MARCHF11: variants seen among roughly 807,000 people sequenced by gnomAD.
MARCHF11 encodes E3 ubiquitin-protein ligase MARCHF11.
Under a neutral mutation model 37.3 loss-of-function variants are expected in MARCHF11, and 29 were observed. The observed-to-expected ratio is 0.78, with a 90% CI of 0.58 to 1.06. The LOEUF is 1.06. MARCHF11 is among the 50% of genes least tolerant of loss of function. The pLI is 0.00. For synonymous variants in MARCHF11, 233 were observed against 228.0 expected (o/e 1.02, Z -0.20); for missense variants, 482 against 533.4 (o/e 0.90, Z 0.95).
At chr5:16,151,008 A>G (rs1737879486) in intron 2 of MARCHF11, among the ~76,000 whole-genome samples, 1 of 152,002 alleles carries the variant, frequency 6.6e-6, no homozygotes, top group Non-Finnish European at 1.5e-5. Context: ...GTTAAATTTT[A>G]ATTGCAAATG....
intron 2 of MARCHF11, among the ~76,000 whole-genome samples, chr5:16,127,446 T>A (rs1737430420): frequency 6.6e-6 from 1 of 152,202 alleles, no homozygotes; most frequent in South Asian, 2.1e-4. Flanking sequence ...GGAGCTTGAA[T>A]GTGAGCAAAC....
chr5:16,104,587 G>A (rs536412535), intron 2 of MARCHF11, among the ~76,000 whole-genome samples: 24 of 151,460 alleles, frequency 1.6e-4, no homozygotes, highest in African/African-American at 4.1e-4. Flanking sequence ...ATCTTCAATC[G>A]TAAAATACTT....
intron 2 of MARCHF11, among the ~76,000 whole-genome samples, chr5:16,111,732 T>C (rs1737140667): frequency 6.6e-6 from 1 of 152,118 alleles, no homozygotes; most frequent in South Asian, 2.1e-4. Context: ...ATAGGGAAAA[T>C]GTCTCAAGAG....
At chr5:16,164,427 G>A (rs1019090560) in intron 2 of MARCHF11, among the ~76,000 whole-genome samples, 14 of 152,122 alleles carry the variant, frequency 9.2e-5, no homozygotes, top group African/African-American at 3.4e-4. Context: ...ACACCATACA[G>A]ACATGTATAG....
At chr5:16,153,257 C>A (rs1439967484) in intron 2 of MARCHF11, among the ~76,000 whole-genome samples, 9 of 151,930 alleles carry the variant, frequency 5.9e-5, no homozygotes, top group Non-Finnish European at 4.4e-5. Flanking sequence ...AGAGAAAAGG[C>A]TTTCCTAGAT....
intron 2 of MARCHF11, among the ~76,000 whole-genome samples, chr5:16,105,343 C>T (rs1345648357): frequency 6.6e-6 from 1 of 152,170 alleles, no homozygotes; most frequent in African/African-American, 2.4e-5. Context: ...TTATCCTTTA[C>T]TTTGAATAAT....
At chr5:16,117,075 G>A (rs532383357) in intron 2 of MARCHF11, among the ~76,000 whole-genome samples, 50 of 152,282 alleles carry the variant, frequency 3.3e-4, no homozygotes, top group African/African-American at 1.2e-3. Context: ...CAAACACACC[G>A]ATACTGCAGT....
intron 2 of MARCHF11, among the ~76,000 whole-genome samples, chr5:16,121,990 G>T (rs1040429606): frequency 6.6e-6 from 1 of 152,132 alleles, no homozygotes; most frequent in Non-Finnish European, 1.5e-5. Flanking sequence ...GTACTCACTG[G>T]TGCTCTTTTT....
chr5:16,110,910 G>C (rs957564033), intron 2 of MARCHF11, among the ~76,000 whole-genome samples: 1 of 152,088 alleles, frequency 6.6e-6, no homozygotes, highest in Non-Finnish European at 1.5e-5. Flanking sequence ...CTGAATCATG[G>C]GGGTGGTTTC....
intron 2 of MARCHF11, among the ~76,000 whole-genome samples, chr5:16,108,496 A>G (rs1319612841): frequency 6.6e-6 from 1 of 152,242 alleles, no homozygotes; most frequent in African/African-American, 2.4e-5. Flanking sequence ...AGTGGTGGGT[A>G]CAGAACTTGG....
chr5:16,102,867 A>G (rs1467911763), intron 2 of MARCHF11, among the ~76,000 whole-genome samples: 1 of 152,168 alleles, frequency 6.6e-6, no homozygotes, highest in Admixed American at 6.5e-5. Flanking sequence ...ACTCACCTGC[A>G]TGCTCCCCCT....
Position 16,067,398 on chromosome 5 carries a change from T to C in MARCHF11, c.*73A>G, listed in dbSNP as rs1029782377. 7.3e-7 allele frequency: 1 copy of C among 1,369,826 alleles called. No homozygotes were observed. The highest frequency in any genetic ancestry group is 1.0e-6 in the Non-Finnish European group (1 of 989,046). 84.9% of individuals were successfully genotyped at this position (1,369,826 alleles called of 1,614,324 possible). ...CATAGATGTGTTTTTAGAAGTGCTA[T>C]GGTTTTGCCATTCACTGCAATTACA... On this transcript the variant is annotated 3_prime_UTR_variant, in exon 4 of 4. Coordinates refer to ENST00000332432, the MANE Select transcript of MARCHF11 (RefSeq NM_001102562.3).
At chr5:16,085,183 G>A (rs949615929) in intron 3 of MARCHF11, among the ~76,000 whole-genome samples, 5 of 151,920 alleles carry the variant, frequency 3.3e-5, no homozygotes, top group East Asian at 1.9e-4. Context: ...TAAAATCCCC[G>A]TAGCGTTAAA....
chr5:16,120,570 T>C (rs970520941), intron 2 of MARCHF11, among the ~76,000 whole-genome samples: 1 of 152,236 alleles, frequency 6.6e-6, no homozygotes, highest in African/African-American at 2.4e-5. Context: ...AAACTTACAT[T>C]CACACCTTAC....
chr5:16,151,091 G>C (rs1737880251), intron 2 of MARCHF11, among the ~76,000 whole-genome samples: 1 of 152,052 alleles, frequency 6.6e-6, no homozygotes, highest in Non-Finnish European at 1.5e-5. Flanking sequence ...TATAGAGACA[G>C]ATAAACAGCT....
chr5:16,083,150 T>G (rs962362522), intron 3 of MARCHF11, among the ~76,000 whole-genome samples: 25 of 152,188 alleles, frequency 1.6e-4, no homozygotes, highest in African/African-American at 6.0e-4. Flanking sequence ...TGTACAGCTC[T>G]GAGATGCACG....
intron 2 of MARCHF11, among the ~76,000 whole-genome samples, chr5:16,133,792 G>A (rs1270436846): frequency 1.3e-5 from 2 of 149,470 alleles, no homozygotes; most frequent in Non-Finnish European, 3.0e-5. Context: ...ACTAATGACA[G>A]CTGATGAGCT....
chr5:16,143,424 C>CT (rs1317041663), intron 2 of MARCHF11, among the ~76,000 whole-genome samples: 1 of 152,242 alleles, frequency 6.6e-6, no homozygotes, highest in East Asian at 1.9e-4. Flanking sequence ...CCCACTCTGG[C>CT]TGGCCTGTTC....
intron 2 of MARCHF11, among the ~76,000 whole-genome samples, chr5:16,123,257 A>G (rs745539701): frequency 2.4e-4 from 36 of 152,130 alleles, no homozygotes; most frequent in African/African-American, 4.8e-5. Context: ...AGGTGAAATG[A>G]GGTCATTCGG....
Sources: allele counts gnomAD v4.1 joint callset (sites outside exome capture counted in the v4.1 genomes callset), GRCh38; gene constraint gnomAD v4.1.1; transcripts MANE v1.5; gene names NCBI Gene and HGNC (gene_info 2026-07-23, HGNC 2026-07-21).